B4GALNT3: variants seen among roughly 807,000 people sequenced by gnomAD.
B4GALNT3 encodes the protein beta-1,4-N-acetyl-galactosaminyltransferase 3.
Under a neutral mutation model 120.2 loss-of-function variants are expected in B4GALNT3, and 86 were observed. The observed-to-expected ratio is 0.72, with a 90% CI of 0.60 to 0.86. B4GALNT3 has a LOEUF of 0.86. B4GALNT3 is among the 40% of genes least tolerant of loss of function. B4GALNT3 has a pLI of 0.00. For missense variants in B4GALNT3, 1,167 were observed against 1,298.9 expected (o/e 0.90, Z 1.56); for synonymous variants, 518 against 510.4 (o/e 1.01, Z -0.20).
chr12:519,236 AT>A (rs1946684173), intron 1 of B4GALNT3, among the ~76,000 whole-genome samples: 1 of 152,236 alleles, frequency 6.6e-6, no homozygotes, highest in African/African-American at 2.4e-5. Flanking sequence ...TGGAAAACAT[AT>A]TCCCCTAAGA....
intron 1 of B4GALNT3, among the ~76,000 whole-genome samples, chr12:522,982 T>C (rs548541139): frequency 6.6e-6 from 1 of 151,216 alleles, no homozygotes; most frequent in African/African-American, 2.4e-5. Flanking sequence ...GTGGTAACTT[T>C]TATGTTATAG....
chr12:546,621 C>G, intron 6 of B4GALNT3, 25 bp from the exon 7 acceptor site: 1 of 1,548,124 alleles, frequency 6.5e-7, no homozygotes, highest in Non-Finnish European at 8.7e-7. Context: ...GTTCCTCCCT[C>G]CTCTTCTCTC....
chr12:544,042 A>C (rs1490790093), intron 3 of B4GALNT3, among the ~76,000 whole-genome samples: 1 of 123,416 alleles, frequency 8.1e-6, no homozygotes, highest in African/African-American at 3.4e-5. Context: ...TGGGGCGGGC[A>C]TGGGGTGCTC....
In B4GALNT3 at chr12:460,731, C is replaced by T. The variant is rs1252684689; in HGVS notation, c.169+186C>T. Among the ~76,000 whole-genome samples the T allele has an allele frequency of 3.3e-5, 5 of 152,242 alleles. No individual in the cohort carries two copies. The highest frequency in any genetic ancestry group is 3.3e-4 in the Admixed American group (5 of 15,308). ...GGGCGGGGGAAGCCGCGGGGCCGAGCGCAGAATTCCCGAGCCCGGGCCTGC... is the reference window on the plus strand; with the variant it reads ...GGGCGGGGGAAGCCGCGGGGCCGAGTGCAGAATTCCCGAGCCCGGGCCTGC... On this transcript the variant is annotated intron_variant, in intron 1 of 19. Coordinates refer to ENST00000266383, the MANE Select transcript of B4GALNT3 (RefSeq NM_173593.4). This position sits in a 1 kb window ranked among gnomAD's most constrained non-coding sequence, Gnocchi z 8.0.
intron 1 of B4GALNT3, among the ~76,000 whole-genome samples, chr12:463,671 T>A (rs1045429304): frequency 6.6e-6 from 1 of 152,158 alleles, no homozygotes; most frequent in Non-Finnish European, 1.5e-5. Flanking sequence ...GGGGCACAGC[T>A]CTCCCAACTA....
At chr12:549,623 C>A in intron 9 of B4GALNT3, 146 bp from the exon 10 acceptor site, 1 of 1,040,998 alleles carries the variant, frequency 9.6e-7, no homozygotes, top group South Asian at 1.6e-5. Flanking sequence ...GTGGCGGGGG[C>A]CAGAGGGAGT....
intron 3 of B4GALNT3, chr12:543,092 G>T: frequency 1.6e-6 from 2 of 1,287,476 alleles, no homozygotes; most frequent in Non-Finnish European, 2.0e-6. Flanking sequence ...CCTGGGGAAT[G>T]AACACCAGCC....
At chr12:477,134 T>C (rs1946193409) in intron 1 of B4GALNT3, among the ~76,000 whole-genome samples, 1 of 152,220 alleles carries the variant, frequency 6.6e-6, no homozygotes, top group Admixed American at 6.5e-5. Context: ...GTGCCTAGAC[T>C]ATTGTTTACA....
At chr12:552,606 G>A (rs7314430) in intron 13 of B4GALNT3, 78 bp downstream of exon 13, 558,941 of 1,410,952 alleles carry the variant, frequency 0.4, 113,855 homozygotes, top group African/African-American at 0.55. Context: ...TGTTCAGACC[G>A]TGCCAGCCCC....
chr12:520,174 T>TA (rs1251397863), intron 1 of B4GALNT3, among the ~76,000 whole-genome samples: 1 of 152,014 alleles, frequency 6.6e-6, no homozygotes, highest in Non-Finnish European at 1.5e-5. Flanking sequence ...GGTTTTGGAG[T>TA]AAACTTTTAT....
chr12:511,686 ACCTTCTGTCTTCCACCTTCCTTCCACC>A (rs1946565847), intron 1 of B4GALNT3, among the ~76,000 whole-genome samples: 1 of 60,350 alleles, frequency 1.7e-5, no homozygotes, highest in African/African-American at 5.9e-5. Flanking sequence ...TCCGCCTTCC[ACCTTCTGTCTTCCACCTTCCTTCCACC>A]TTCCGCCTTC....
chr12:548,364 G>A lies in B4GALNT3; in HGVS notation c.853+67G>A. 2 of 1,505,964 alleles carry A rather than the reference G, an allele frequency of 1.3e-6. No homozygotes were observed. Among genetic ancestry groups the A allele is most frequent in the African/African-American group, 1.4e-5 (1 of 72,642 alleles). 93.3% of individuals were successfully genotyped at this position (1,505,964 alleles called of 1,614,324 possible). ...GGGGACAGCCTACCCTGGGGGATTT[G>A]GCAGGGGAGGAGGGGAGGAGGGGAG... is the stretch of plus-strand genomic sequence containing the variant. On this transcript the variant is annotated intron_variant, in intron 9 of 19. Transcript: ENST00000266383. The surrounding 1 kb of genome is among the most constrained non-coding windows in gnomAD (Gnocchi z 4.9).
At chr12:523,430 C>G (rs1734887723) in intron 1 of B4GALNT3, among the ~76,000 whole-genome samples, 1 of 152,212 alleles carries the variant, frequency 6.6e-6, no homozygotes, top group Non-Finnish European at 1.5e-5. Flanking sequence ...CAGCGAGAAT[C>G]TAATAACAAA....
chr12:483,112 G>A lies in B4GALNT3; in HGVS notation c.169+22567G>A, dbSNP rs147511593. On this transcript the variant is annotated intron_variant, in intron 1 of 19. Coordinates refer to ENST00000266383, the MANE Select transcript of B4GALNT3 (RefSeq NM_173593.4). ...CTTTGGAGAGACAGGGTCTTACCGT[G>A]TTGCCCAGGCTGGTCTTGAACTCCT... Among the ~76,000 whole-genome samples, 23 of 151,976 alleles carry A rather than the reference G, an allele frequency of 1.5e-4. No individual in the cohort carries two copies. In the East Asian group the frequency reaches 4.5e-3, roughly 29 times the overall value.
intron 1 of B4GALNT3, among the ~76,000 whole-genome samples, chr12:519,774 G>A (rs529377149): frequency 3.3e-5 from 5 of 152,208 alleles, no homozygotes; most frequent in African/African-American, 9.6e-5. Context: ...TAGGTTGAGC[G>A]ACTGCTGTTT....
At position 530,535 on chromosome 12, in the gene B4GALNT3, T is replaced by C. The variant is rs186176211; in HGVS notation, c.170-4631T>C. Among the ~76,000 whole-genome samples the C allele has an allele frequency of 1.8e-3, 274 of 152,318 alleles. 2 individuals are homozygous for C. The highest frequency in any genetic ancestry group is 6.5e-3 in the African/African-American group (271 of 41,584). On this transcript the variant is annotated intron_variant, in intron 1 of 19. Coordinates refer to ENST00000266383, the MANE Select transcript of B4GALNT3 (RefSeq NM_173593.4). ...AGTTCCAGATCTGCAGCATCATGAC[T>C]AATGCAAATAACAAGCTGCCATGTG... is the stretch of plus-strand genomic sequence containing the variant.
intron 1 of B4GALNT3, among the ~76,000 whole-genome samples, chr12:500,413 G>A (rs1946426823): frequency 6.6e-6 from 1 of 152,188 alleles, no homozygotes; most frequent in Non-Finnish European, 1.5e-5. Flanking sequence ...AGGTTCTGAT[G>A]CCTTAAATTG....
rs1021181126 is a variant in B4GALNT3 at position 548,416 on chromosome 12, C to T, written c.853+119C>T. On this transcript the variant is annotated intron_variant, in intron 9 of 19. Transcript: ENST00000266383. This position sits in a 1 kb window ranked among gnomAD's most constrained non-coding sequence, Gnocchi z 4.9. ...AAGGAAGCTCGAGATGCTTGGGACA[C>T]GGGTATGAAGGGGTCCAGAACAAGA... The T allele has an allele frequency of 2.4e-5, 22 of 926,528 alleles. No homozygotes were observed. The highest frequency in any genetic ancestry group is 8.0e-5 in the Admixed American group (4 of 49,930). The allele number at this position is 926,528 out of a possible 1,614,324, so 57.4% of individuals were successfully genotyped here.
chr12:504,366 A>G (rs1321472555), intron 1 of B4GALNT3, among the ~76,000 whole-genome samples: 1 of 151,956 alleles, frequency 6.6e-6, no homozygotes, highest in African/African-American at 2.4e-5. Context: ...ATTTAAGTAA[A>G]ATATAAAGAC....
Sources: gnomAD v4.1 joint callset for allele counts (sites outside exome capture counted in the v4.1 genomes callset) on GRCh38, gnomAD v4.1.1 for gene constraint, Gnocchi (gnomAD v3.1) non-coding constraint, MANE v1.5 for transcripts, NCBI Gene and HGNC (gene_info 2026-07-23, HGNC 2026-07-21) for gene names.